Variants in CCNH observed in about 807,000 individuals in gnomAD.
CCNH encodes the protein cyclin H.
In CCNH, 31 loss-of-function variants were observed where a neutral mutation model predicts 41.9. The observed-to-expected ratio is 0.74, with a 90% CI of 0.56 to 1.00. The LOEUF (loss-of-function observed/expected upper bound fraction) is 1.00, where lower values mean the gene tolerates loss of function less well. CCNH is among the 50% of genes least tolerant of loss of function. The probability of loss-of-function intolerance (pLI) is 0.00; values close to 1 mark genes in which losing one functional copy is unlikely to be tolerated. For missense variants in CCNH, 362 were observed against 388.4 expected, an observed-to-expected ratio of 0.93 and a Z score of 0.57; for synonymous variants, 138 against 136.1, an observed-to-expected ratio of 1.01 and a Z score of -0.10.
chr5:87,374,279 G>A, downstream of CCNH: 1 of 1,604,718 alleles, frequency 6.2e-7, no homozygotes, highest in Non-Finnish European at 8.5e-7. Context: ...CTCATGCAAG[G>A]GAAGGGCAAA....
chr5:87,388,102 C>T (rs1762189456), downstream of CCNH, among the ~76,000 whole-genome samples: 1 of 152,158 alleles, frequency 6.6e-6, no homozygotes, highest in Admixed American at 6.5e-5. Context: ...TCCTAAGCAT[C>T]CCCTGTGTAT....
At position 87,354,862 on chromosome 5, in the gene CCNH, T is replaced by C. The variant is rs546777299; in HGVS notation, c.*91-35965A>G. 1.1e-4 allele frequency among the ~76,000 whole-genome samples: 16 copies of C among 152,266 alleles called. No individual in the cohort carries two copies. The South Asian group carries it at 2.9e-3, about 28-fold the overall frequency. On this transcript the variant is annotated intron_variant and NMD_transcript_variant, in intron 9 of 9. Coordinates refer to the CCNH transcript ENST00000645953. ...AAGTGAAACACCCTTATTGCTGATA[T>C]AGAGAAAATTTGAGTGGTCTGGATT...
downstream of CCNH, among the ~76,000 whole-genome samples, chr5:87,373,565 G>C (rs1258822923): frequency 1.3e-5 from 2 of 152,072 alleles, no homozygotes; most frequent in African/African-American, 2.4e-5. Flanking sequence ...GGACGGATTT[G>C]TGCAAGGCCA....
At chr5:87,361,349 ATAAT>A (rs1349654217) in intron 9 of CCNH, among the ~76,000 whole-genome samples, 1 of 152,212 alleles carries the variant, frequency 6.6e-6, no homozygotes, top group Non-Finnish European at 1.5e-5. Flanking sequence ...TAACTTGGGA[ATAAT>A]TCTGAGTAAT....
At chr5:87,371,034 A>AT (rs1366783328) in intron 9 of CCNH, among the ~76,000 whole-genome samples, 1 of 152,088 alleles carries the variant, frequency 6.6e-6, no homozygotes, top group Non-Finnish European at 1.5e-5. Flanking sequence ...AACTTACATG[A>AT]TTTTTTTAAA....
downstream of CCNH, chr5:87,389,463 A>T: frequency 6.2e-7 from 1 of 1,614,204 alleles, no homozygotes; most frequent in Non-Finnish European, 8.5e-7. Flanking sequence ...GCAGCATTGC[A>T]TGAGATTTGC....
downstream of CCNH, chr5:87,374,208 G>C: frequency 6.3e-7 from 1 of 1,581,074 alleles, no homozygotes; most frequent in Non-Finnish European, 8.6e-7. Context: ...TAAACTCCCA[G>C]TAAAACATTT....
downstream of CCNH, among the ~76,000 whole-genome samples, chr5:87,313,989 G>A (rs1756123079): frequency 6.6e-6 from 1 of 152,038 alleles, no homozygotes; most frequent in Non-Finnish European, 1.5e-5. Flanking sequence ...CCAACATGGA[G>A]AAACCCTGTC....
At chr5:87,339,549 T>C (rs1304801496) in intron 9 of CCNH, among the ~76,000 whole-genome samples, 1 of 152,152 alleles carries the variant, frequency 6.6e-6, no homozygotes, top group Non-Finnish European at 1.5e-5. Context: ...GTTGAACTTT[T>C]CTTGAGCTCT....
chr5:87,387,644 GTTCT>G (rs1294696390), downstream of CCNH, among the ~76,000 whole-genome samples: 10 of 152,110 alleles, frequency 6.6e-5, no homozygotes, highest in African/African-American at 2.4e-4. Context: ...AGGTGTCCAT[GTTCT>G]GTCTTAATGT....
intron 3 of CCNH, 37 bp downstream of exon 3, chr5:87,409,253 C>T: frequency 8.3e-7 from 1 of 1,201,140 alleles, no homozygotes; most frequent in Non-Finnish European, 1.2e-6. Flanking sequence ...TAAAGGTCTT[C>T]TTAAATGAAA....
In CCNH at chr5:87,408,086, C is replaced by A. The variant is rs756715232; in HGVS notation, c.415G>T (p.Ala139Ser). Reference protein sequence around the residue: ...LRESPLGQEKALEQILEYELL... With the variant: ...LRESPLGQEKSLEQILEYELL... ...TCATATTCCAGTATCTGTTCAAGTG[C>A]CTTCTCCTGTCCAAGAGGACTCTCC... The change falls in exon 4 of 9, where the codon GCA becomes TCA. Residue 139 changes from alanine to serine, a missense_variant. Physicochemically the swap from Ala to Ser is moderately conservative, Grantham distance 99 (BLOSUM62 1). Coordinates refer to ENST00000256897, the MANE Select transcript of CCNH (RefSeq NM_001239.4). 1.9e-6 allele frequency: 3 copies of A among 1,612,710 alleles called. No homozygotes were observed. Among genetic ancestry groups the A allele is most frequent in the Admixed American group, 3.3e-5 (2 of 59,994 alleles).
chr5:87,349,243 C>T (rs1759085678), intron 9 of CCNH: 3 of 1,611,912 alleles, frequency 1.9e-6, no homozygotes, highest in Non-Finnish European at 2.5e-6. Context: ...TCTTGTGAGG[C>T]CCTCAGATAA....
downstream of CCNH, among the ~76,000 whole-genome samples, chr5:87,390,431 C>A (rs1200591853): frequency 6.6e-6 from 1 of 151,518 alleles, no homozygotes; most frequent in Non-Finnish European, 1.5e-5. Context: ...CCCCGCCCCT[C>A]CCCCCGCAGC....
At chr5:87,379,874 A>T (rs751808919), upstream of CCNH, 1 of 1,606,404 alleles carries the variant, frequency 6.2e-7, no homozygotes, top group Non-Finnish European at 8.5e-7. Context: ...TTTTCATTTG[A>T]CAAGAAATTG....
chr5:87,351,568 G>A (rs550543643), intron 9 of CCNH, among the ~76,000 whole-genome samples: 2 of 151,690 alleles, frequency 1.3e-5, no homozygotes, highest in South Asian at 2.1e-4. Flanking sequence ...AGAAACTCAC[G>A]TTTATTTCAA....
intron 4 of CCNH, among the ~76,000 whole-genome samples, chr5:87,406,908 C>A (rs2112574190): frequency 6.6e-6 from 1 of 152,272 alleles, no homozygotes; most frequent in East Asian, 1.9e-4. Flanking sequence ...TCTTTTAAAG[C>A]TGCAAATCTA....
chr5:87,401,493 A>G (rs1179846583), intron 6 of CCNH, among the ~76,000 whole-genome samples: 3 of 152,180 alleles, frequency 2.0e-5, no homozygotes, highest in Non-Finnish European at 4.4e-5. Context: ...CTCTTTGCAT[A>G]AGTTCTATAT....
chr5:87,339,789 T>C (rs1352737460), intron 9 of CCNH, among the ~76,000 whole-genome samples: 1 of 152,136 alleles, frequency 6.6e-6, no homozygotes, highest in African/African-American at 2.4e-5. Context: ...TAATTCCACG[T>C]CATTTATAAA....
Sources: allele counts gnomAD v4.1 joint callset (sites outside exome capture counted in the v4.1 genomes callset), GRCh38; gene constraint gnomAD v4.1.1; transcripts MANE v1.5; gene names NCBI Gene and HGNC (gene_info 2026-07-23, HGNC 2026-07-21).